LGR6: variants seen among roughly 807,000 people sequenced by gnomAD.
LGR6 encodes the protein leucine rich repeat containing G protein-coupled receptor 6.
In LGR6, 45 loss-of-function variants were observed where a neutral mutation model predicts 69.4. The observed-to-expected ratio is 0.65, with a 90% CI of 0.51 to 0.83. The LOEUF is 0.83. Ranked by LOEUF, LGR6 falls within the 40% of genes least tolerant of loss-of-function variation. The pLI, the probability that LGR6 is intolerant of heterozygous loss-of-function variation, is 0.00. For synonymous variants in LGR6, 538 were observed against 555.0 expected (o/e 0.97, Z 0.43); for missense variants, 1,108 against 1,246.7 (o/e 0.89, Z 1.68).
At chr1:202,229,812 G>T (rs1156727133) in intron 3 of LGR6, among the ~76,000 whole-genome samples, 1 of 152,172 alleles carries the variant, frequency 6.6e-6, no homozygotes, top group Non-Finnish European at 1.5e-5. Context: ...AAGCCTTTGT[G>T]TCAGTCCTTG....
intron 1 of LGR6, among the ~76,000 whole-genome samples, chr1:202,199,549 C>G (rs898234089): frequency 2.0e-5 from 3 of 152,132 alleles, no homozygotes; most frequent in African/African-American, 7.2e-5. Context: ...TGGCTCAGAG[C>G]AGAGTTGGCC....
intron 6 of LGR6, among the ~76,000 whole-genome samples, chr1:202,293,209 A>G (rs1268121607): frequency 2.6e-5 from 4 of 152,108 alleles, no homozygotes; most frequent in Non-Finnish European, 4.4e-5. Context: ...CCCTAGAATT[A>G]CCTCCAAGTA....
chr1:202,316,503 G>T (rs1654155314), intron 17 of LGR6, among the ~76,000 whole-genome samples: 1 of 152,208 alleles, frequency 6.6e-6, no homozygotes, highest in African/African-American at 2.4e-5. Flanking sequence ...CACATTGGGG[G>T]ATTCCATTTC....
At chr1:202,250,402 A>T (rs1309339306) in intron 4 of LGR6, among the ~76,000 whole-genome samples, 3 of 149,746 alleles carry the variant, frequency 2.0e-5, no homozygotes, top group Non-Finnish European at 3.0e-5. Context: ...TTTATTATTT[A>T]TTATTATTAT....
intron 11 of LGR6, 150 bp downstream of exon 11, chr1:202,304,780 G>GCCT: frequency 1.9e-6 from 1 of 517,062 alleles, no homozygotes; most frequent in Non-Finnish European, 3.5e-6. Context: ...ACCCCAGAAG[G>GCCT]ACCGGGTTTG....
At chr1:202,288,163 G>C (rs534413202) in intron 6 of LGR6, among the ~76,000 whole-genome samples, 2 of 152,218 alleles carry the variant, frequency 1.3e-5, no homozygotes, top group South Asian at 4.2e-4. Context: ...CCTTTTGTCT[G>C]GAATGTTCTT....
rs1175898732 is a variant in LGR6 at position 202,306,936 on chromosome 1, C to T, written c.1205C>T (p.Ala402Val). 1.2e-6 allele frequency: 2 copies of T among 1,613,968 alleles called. No individual in the cohort carries two copies. Among genetic ancestry groups the T allele is most frequent in the Non-Finnish European group, 1.7e-6 (2 of 1,179,890 alleles). The change falls in exon 13 of 18, where the codon GCC becomes GTC. Residue 402 changes from alanine (A) to valine (V), a missense_variant. By Grantham distance (64) the Ala-to-Val change is moderately conservative. Coordinates refer to ENST00000367278, the MANE Select transcript of LGR6 (RefSeq NM_001017403.2). ...DTFSQLSSLQ[A>V]LDLSWNAIRS... ...TTCAGCCAGCTGAGCTCCCTGCAAG[C>T]CCTGTGAGTACCCACATCCAGGGGT...
intron 4 of LGR6, among the ~76,000 whole-genome samples, chr1:202,244,159 A>G (rs963573723): frequency 3.3e-5 from 5 of 152,050 alleles, no homozygotes; most frequent in Non-Finnish European, 5.9e-5. Flanking sequence ...GGGTTTCACC[A>G]TGGTGGCCAG....
intron 6 of LGR6, among the ~76,000 whole-genome samples, chr1:202,282,442 T>C (rs1206018130): frequency 6.6e-6 from 1 of 152,142 alleles, no homozygotes; most frequent in Non-Finnish European, 1.5e-5. Context: ...AAATGTGAAC[T>C]GTGTGAGCCT....
rs1174946898 is a variant in LGR6, at chr1:202,319,372, C to T, written c.*165C>T. The T allele has an allele frequency of 8.8e-6, 6 of 685,660 alleles. 1 individual carries two copies. Among genetic ancestry groups the T allele is most frequent in the Non-Finnish European group, 2.3e-6 (1 of 442,700 alleles). The allele number at this position is 685,660 out of a possible 1,614,324, so 42.5% of individuals were successfully genotyped here. ...GATCACCTCTCTCCTGTGACCATCA[C>T]CAACGGGTGCCTCTTGGCCTGGCTT... On this transcript the variant is annotated 3_prime_UTR_variant, in exon 18 of 18. Coordinates refer to ENST00000367278, the MANE Select transcript of LGR6 (RefSeq NM_001017403.2).
rs77828922 is a variant in LGR6 at position 202,255,945 on chromosome 1, T to C, written c.428+19952T>C. On this transcript the variant is annotated intron_variant, in intron 4 of 17. Transcript: ENST00000367278. The stretch of plus-strand genomic sequence containing the variant: ...TTAAAATATGCAATTCGGTGATTAT[T>C]AGCATATTTACCAAGTTGTGCAACT... Among the ~76,000 whole-genome samples the C allele has an allele frequency of 5.5e-3, 845 of 152,344 alleles. 5 individuals carry two copies. Among genetic ancestry groups the C allele is most frequent in the Non-Finnish European group, 8.9e-3 (607 of 68,030 alleles).
At chr1:202,277,367 T>C (rs369988498) in intron 5 of LGR6, among the ~76,000 whole-genome samples, 4 of 151,116 alleles carry the variant, frequency 2.6e-5, no homozygotes, top group Admixed American at 1.3e-4. Context: ...TTCTCTGTCC[T>C]GGGAAGCTGG....
At chr1:202,271,351 C>T (rs1419631380) in intron 4 of LGR6, among the ~76,000 whole-genome samples, 1 of 152,146 alleles carries the variant, frequency 6.6e-6, no homozygotes, top group Non-Finnish European at 1.5e-5. Context: ...GGAGCCTGAA[C>T]CCTGACTTGA....
At chr1:202,226,375 C>T (rs924408102) in intron 2 of LGR6, among the ~76,000 whole-genome samples, 1 of 152,198 alleles carries the variant, frequency 6.6e-6, no homozygotes, top group African/African-American at 2.4e-5. Flanking sequence ...ATTTGTCTAG[C>T]TCTTTTAGAA....
At chr1:202,300,170 C>T (rs1667477616) in intron 7 of LGR6, among the ~76,000 whole-genome samples, 1 of 152,218 alleles carries the variant, frequency 6.6e-6, no homozygotes, top group South Asian at 2.1e-4. Context: ...CTCACACACC[C>T]TTGGCTTCCT....
chr1:202,313,226 CAAAA>C (rs750602882), intron 16 of LGR6, among the ~76,000 whole-genome samples: 1 of 96,106 alleles, frequency 1.0e-5, no homozygotes, highest in Admixed American at 1.1e-4. Flanking sequence ...GACTCCATCT[CAAAA>C]AAAAAAAAAA....
intron 17 of LGR6, among the ~76,000 whole-genome samples, chr1:202,316,920 C>T (rs192550008): frequency 3.3e-5 from 5 of 152,228 alleles, no homozygotes; most frequent in African/African-American, 7.2e-5. Flanking sequence ...TCACGCATCT[C>T]GTGTGGACCT....
intron 4 of LGR6, among the ~76,000 whole-genome samples, chr1:202,249,540 C>T (rs1250620458): frequency 6.6e-6 from 1 of 152,236 alleles, no homozygotes. Context: ...CTATTGGAAT[C>T]TCCACTTGCA....
chr1:202,277,734 A>G (rs1187085412), intron 5 of LGR6, among the ~76,000 whole-genome samples: 1 of 151,978 alleles, frequency 6.6e-6, no homozygotes, highest in Admixed American at 6.6e-5. Context: ...TAAATATGGG[A>G]AAAAAATAAC....
Sources: allele counts gnomAD v4.1 joint callset (sites outside exome capture counted in the v4.1 genomes callset), GRCh38; gene constraint gnomAD v4.1.1; transcripts MANE v1.5; gene names NCBI Gene and HGNC (gene_info 2026-07-23, HGNC 2026-07-21).